Variants in EFCAB6 observed in about 807,000 individuals in gnomAD.
EFCAB6 encodes EF-hand calcium-binding domain-containing protein 6.
EFCAB6 carries 156 observed loss-of-function variants against 169.8 expected under a neutral mutation model. The ratio of observed to expected loss-of-function variants is 0.92; its 90% confidence interval spans 0.81 to 1.05. The LOEUF (loss-of-function observed/expected upper bound fraction) is 1.05, where lower values mean the gene tolerates loss of function less well. Among genes scored for constraint, EFCAB6 ranks in the 50% least tolerant of loss-of-function variants. The pLI is 0.00. For synonymous variants in EFCAB6, 698 were observed against 676.4 expected (o/e 1.03, Z -0.50); for missense variants, 1,800 against 1,829.1 (o/e 0.98, Z 0.29).
intron 6 of EFCAB6, among the ~76,000 whole-genome samples, chr22:43,749,069 A>G (rs1445901654): frequency 2.0e-5 from 3 of 152,158 alleles, no homozygotes; most frequent in African/African-American, 4.8e-5. Context: ...GGCAGTAGGG[A>G]TGGATCAGAA....
intron 5 of EFCAB6, among the ~76,000 whole-genome samples, chr22:43,756,347 G>A (rs1043311008): frequency 5.3e-5 from 8 of 152,138 alleles, no homozygotes; most frequent in Admixed American, 2.6e-4. Context: ...GACCACTGTC[G>A]GGCTCTACGT....
chr22:43,767,070 C>A (rs138573069), intron 4 of EFCAB6, among the ~76,000 whole-genome samples: 1 of 152,114 alleles, frequency 6.6e-6, no homozygotes, highest in Non-Finnish European at 1.5e-5. Flanking sequence ...AATAAATATA[C>A]AATCAATATA....
chr22:43,677,372 G>C (rs1262689824), intron 13 of EFCAB6, among the ~76,000 whole-genome samples: 1 of 152,162 alleles, frequency 6.6e-6, no homozygotes, highest in East Asian at 1.9e-4. Context: ...CTGTGGCCAG[G>C]CGCGGTGGCT....
chr22:43,644,304 G>A (rs1301737546), intron 17 of EFCAB6, among the ~76,000 whole-genome samples: 5 of 152,216 alleles, frequency 3.3e-5, no homozygotes, highest in South Asian at 4.1e-4. Flanking sequence ...GGGAGCACAC[G>A]CCATCCACTG....
intron 24 of EFCAB6, 91 bp downstream of exon 24, chr22:43,589,983 T>C: frequency 3.3e-6 from 5 of 1,498,642 alleles, no homozygotes; most frequent in Non-Finnish European, 4.5e-6. Context: ...CTCAGAAGGC[T>C]GTTTGGGCGG....
intron 26 of EFCAB6, among the ~76,000 whole-genome samples, chr22:43,565,306 C>G (rs186640488): frequency 2.0e-5 from 3 of 152,348 alleles, no homozygotes; most frequent in African/African-American, 7.2e-5. Flanking sequence ...TCAGCCCCCA[C>G]AGCTGTGAAA....
chr22:43,690,531 A>AC (rs1278114736), intron 10 of EFCAB6, among the ~76,000 whole-genome samples: 2 of 150,806 alleles, frequency 1.3e-5, no homozygotes, highest in Non-Finnish European at 3.0e-5. Context: ...AAAAAAAAAA[A>AC]ATGCAAATCC....
chr22:43,755,758 T>C lies in EFCAB6; in HGVS notation c.507+8A>G. ...GGGGGGAAATCATTTCTTTAAAATC[T>C]CTATTACCTTTTCTCCCACTTGGAT... On this transcript the variant is annotated splice_region_variant and intron_variant, in intron 6 of 31. Transcript: ENST00000262726. 1 of 1,598,596 alleles carries C rather than the reference T, an allele frequency of 6.3e-7. No individual in the cohort carries two copies. The highest frequency in any genetic ancestry group is 8.5e-7 in the Non-Finnish European group (1 of 1,174,274).
chr22:43,661,977 C>T (rs983486763), intron 17 of EFCAB6, among the ~76,000 whole-genome samples: 5 of 151,624 alleles, frequency 3.3e-5, no homozygotes, highest in Admixed American at 6.6e-5. Context: ...ATTAGCCAGG[C>T]GTGGTTAACC....
chr22:43,735,930 G>A lies in EFCAB6; in HGVS notation c.571C>T (p.Leu191=), dbSNP rs553399742. The A allele has an allele frequency of 1.6e-5, 26 of 1,614,114 alleles. No individual in the cohort carries two copies. In the Admixed American group the frequency reaches 1.8e-4, roughly 11 times the overall value. The change falls in exon 7 of 32, where the codon CTG becomes TTG. Residue 191 remains leucine, a synonymous_variant. Coordinates refer to ENST00000262726, the MANE Select transcript of EFCAB6 (RefSeq NM_022785.4). ...CTTCTTAGCTCCTGCGGTCGAACCA[G>A]TCCAGTCTTGTTAACATCAATGAGC... ...FELIDVNKTG[L]VRPQELRRVL...
At chr22:43,768,106 A>G (rs1470105104) in intron 4 of EFCAB6, among the ~76,000 whole-genome samples, 1 of 152,210 alleles carries the variant, frequency 6.6e-6, no homozygotes. Flanking sequence ...CCTTCTCTGG[A>G]ATCAATTTAC....
At chr22:43,588,904 G>A (rs564437298) in intron 24 of EFCAB6, among the ~76,000 whole-genome samples, 2 of 152,006 alleles carry the variant, frequency 1.3e-5, no homozygotes, top group Non-Finnish European at 2.9e-5. Context: ...TCTAGAATGT[G>A]GAGCAAACCA....
chr22:43,765,383 C>T lies in EFCAB6; in HGVS notation c.362G>A (p.Ser121Asn), dbSNP rs765095980. Residue 121 changes from serine (S) to asparagine (N), a missense_variant, in exon 5 of 32, where the codon AGC becomes AAC. By Grantham distance (46) the Ser-to-Asn change is conservative. Transcript: ENST00000262726. ...AAGGTACGGTACAGTACCAGAGGTG[C>T]TAAGGGGGATCTACAGTCAAGGGAG... Reference protein sequence around the residue: ...FQDVLAQIPLSTSGTVPYLAF... With the variant: ...FQDVLAQIPLNTSGTVPYLAF... 4 of 1,611,312 alleles carry T rather than the reference C, an allele frequency of 2.5e-6. No homozygotes were observed. Among genetic ancestry groups the T allele is most frequent in the South Asian group, 1.1e-5 (1 of 90,898 alleles).
At chr22:43,683,305 C>A (rs1170064587) in intron 12 of EFCAB6, among the ~76,000 whole-genome samples, 1 of 152,126 alleles carries the variant, frequency 6.6e-6, no homozygotes, top group Non-Finnish European at 1.5e-5. Context: ...CTTTGTAGTA[C>A]AATTAAAAAA....
intron 2 of EFCAB6, among the ~76,000 whole-genome samples, chr22:43,797,797 C>T (rs2062565925): frequency 6.6e-6 from 1 of 152,170 alleles, no homozygotes; most frequent in Non-Finnish European, 1.5e-5. Flanking sequence ...AGCACAGGCC[C>T]TCCCCTGCTT....
intron 26 of EFCAB6, among the ~76,000 whole-genome samples, chr22:43,564,539 C>T (rs927488999): frequency 2.6e-5 from 4 of 152,182 alleles, no homozygotes; most frequent in Non-Finnish European, 4.4e-5. Flanking sequence ...AGGAACTCAC[C>T]TGTGTGGCGG....
chr22:43,766,178 G>A (rs1244211169), intron 4 of EFCAB6, among the ~76,000 whole-genome samples: 2 of 152,114 alleles, frequency 1.3e-5, no homozygotes, highest in Non-Finnish European at 1.5e-5. Flanking sequence ...TGGGACTATA[G>A]GCACACATCA....
rs1421479013 is a variant in EFCAB6 at position 43,738,599 on chromosome 22, TCACA to T, written c.508-2610_508-2607del. ...CATATAATCACACACACACCATCAC[TCACA>T]CACATATACACCCATTCTCTTGCAT... On this transcript the variant is annotated intron_variant, in intron 6 of 31. Transcript: ENST00000262726. Among the ~76,000 whole-genome samples, 4 of 151,340 alleles carry T rather than the reference TCACA, an allele frequency of 2.6e-5. No individual in the cohort carries two copies. The East Asian group carries it at 7.8e-4, about 29-fold the overall frequency.
chr22:43,709,522 T>G (rs1216292530), intron 10 of EFCAB6, among the ~76,000 whole-genome samples: 2 of 152,194 alleles, frequency 1.3e-5, no homozygotes, highest in African/African-American at 2.4e-5. Context: ...GTCTATAATA[T>G]GCATTTCTAT....
Sources: allele counts gnomAD v4.1 joint callset (sites outside exome capture counted in the v4.1 genomes callset), GRCh38; gene constraint gnomAD v4.1.1; transcripts MANE v1.5; gene names NCBI Gene and HGNC (gene_info 2026-07-23, HGNC 2026-07-21).